The following ATP9B variants were observed in gnomAD, a reference collection of about 807,000 sequenced individuals.
The protein encoded by ATP9B is ATPase phospholipid transporting 9B, also known as probable phospholipid-transporting ATPase IIB.
Under a neutral mutation model 146.1 loss-of-function variants are expected in ATP9B, and 110 were observed. The observed-to-expected ratio is 0.75, with a 90% CI of 0.65 to 0.88. ATP9B has a LOEUF of 0.88. ATP9B is among the 40% of genes least tolerant of loss of function. ATP9B has a pLI of 0.00. For synonymous variants in ATP9B, 604 were observed against 569.7 expected (o/e 1.06, Z -0.86); for missense variants, 1,499 against 1,496.4 (o/e 1.00, Z -0.03).
chr18:79,083,360 G>A (rs113374503), intron 1 of ATP9B, among the ~76,000 whole-genome samples: 4 of 152,222 alleles, frequency 2.6e-5, no homozygotes, highest in South Asian at 2.1e-4. Flanking sequence ...GGTGGGATTC[G>A]CTGAGGTAGA....
intron 11 of ATP9B, among the ~76,000 whole-genome samples, chr18:79,244,146 C>T (rs2095916751): frequency 6.6e-6 from 1 of 151,994 alleles, no homozygotes; most frequent in African/African-American, 2.4e-5. Context: ...CCTCCGCCCC[C>T]TCTATTCTCC....
intron 12 of ATP9B, among the ~76,000 whole-genome samples, chr18:79,265,932 G>A (rs1015487719): frequency 2.0e-5 from 3 of 152,140 alleles, no homozygotes; most frequent in African/African-American, 7.2e-5. Context: ...TAAAGAAGGG[G>A]TCCGGTTTCT....
chr18:79,164,090 T>C (rs540286315), intron 7 of ATP9B, among the ~76,000 whole-genome samples: 2 of 152,218 alleles, frequency 1.3e-5, no homozygotes, highest in South Asian at 4.1e-4. Flanking sequence ...CACTAATTTT[T>C]TATTTTTTAG....
intron 7 of ATP9B, among the ~76,000 whole-genome samples, chr18:79,160,829 T>G (rs899948963): frequency 6.6e-6 from 1 of 152,204 alleles, no homozygotes. Flanking sequence ...TGGAGTGCAG[T>G]GGCGCGATCT....
Position 79,377,406 on chromosome 18 carries a change from C to T in ATP9B, c.*23C>T. ...TAAGGGGCTGTGCACCCCCAGCGGG[C>T]TGGCCCCAGCACCTTCTGCCCTTCC... is the stretch of plus-strand genomic sequence containing the variant. On this transcript the variant is annotated 3_prime_UTR_variant, in exon 30 of 30. Coordinates refer to ENST00000426216, the MANE Select transcript of ATP9B (RefSeq NM_198531.5). 2 of 1,602,724 alleles carry T rather than the reference C, an allele frequency of 1.2e-6. No individual in the cohort carries two copies. The highest frequency in any genetic ancestry group is 1.7e-6 in the Non-Finnish European group (2 of 1,179,566).
intron 15 of ATP9B, among the ~76,000 whole-genome samples, chr18:79,309,640 C>T (rs1276887723): frequency 1.4e-5 from 2 of 146,204 alleles, no homozygotes; most frequent in Admixed American, 1.4e-4. Flanking sequence ...GGTAGAAGGT[C>T]AGGGGCTGAG....
intron 2 of ATP9B, among the ~76,000 whole-genome samples, chr18:79,109,576 T>C (rs1174037668): frequency 6.6e-6 from 1 of 151,712 alleles, no homozygotes; most frequent in Non-Finnish European, 1.5e-5. Context: ...TTTTTTTTTT[T>C]TTTTTTTAAG....
At chr18:79,257,896 C>A (rs1170559099) in intron 12 of ATP9B, among the ~76,000 whole-genome samples, 1 of 152,192 alleles carries the variant, frequency 6.6e-6, no homozygotes, top group Non-Finnish European at 1.5e-5. Context: ...CTAATGAGAG[C>A]TTTGCTTCCT....
chr18:79,359,016 T>C (rs2096970960), intron 25 of ATP9B, among the ~76,000 whole-genome samples: 1 of 152,040 alleles, frequency 6.6e-6, no homozygotes, highest in Admixed American at 6.6e-5. Flanking sequence ...TTATCTAAGA[T>C]GTTACCATTG....
At chr18:79,163,760 T>C (rs1401294432) in intron 7 of ATP9B, among the ~76,000 whole-genome samples, 4 of 152,082 alleles carry the variant, frequency 2.6e-5, no homozygotes, top group Non-Finnish European at 5.9e-5. Context: ...GCGTGTATAA[T>C]ATAATATATG....
chr18:79,111,094 ATTAC>A (rs1273003874), intron 3 of ATP9B, among the ~76,000 whole-genome samples: 4 of 152,092 alleles, frequency 2.6e-5, no homozygotes, highest in African/African-American at 9.7e-5. Flanking sequence ...TAAATATTTT[ATTAC>A]TTTTGTTGCT....
At chr18:79,357,398 C>T (rs1480992142) in intron 25 of ATP9B, among the ~76,000 whole-genome samples, 1 of 31,072 alleles carries the variant, frequency 3.2e-5, no homozygotes. Context: ...TGAGGGGTGT[C>T]CTGGGTCTGG....
chr18:79,249,519 C>T (rs983878852), intron 11 of ATP9B, among the ~76,000 whole-genome samples: 2 of 152,112 alleles, frequency 1.3e-5, no homozygotes, highest in Non-Finnish European at 2.9e-5. Flanking sequence ...GTAATTACTT[C>T]AAGTGATTAA....
At chr18:79,096,687 A>G (rs1441938738) in intron 2 of ATP9B, 38 bp downstream of exon 2, 27 of 1,530,608 alleles carry the variant, frequency 1.8e-5, no homozygotes, top group Non-Finnish European at 2.4e-5. Context: ...CTTATATGCT[A>G]AGGTTACTTA....
At chr18:79,207,418 A>C (rs1271466717) in intron 10 of ATP9B, among the ~76,000 whole-genome samples, 1 of 152,224 alleles carries the variant, frequency 6.6e-6, no homozygotes, top group Non-Finnish European at 1.5e-5. Flanking sequence ...GGCTGAAGTG[A>C]CTGTGGAACG....
intron 25 of ATP9B, among the ~76,000 whole-genome samples, chr18:79,349,241 C>T (rs1304886954): frequency 6.6e-6 from 1 of 152,242 alleles, no homozygotes; most frequent in South Asian, 2.1e-4. Context: ...CTGACCTCTG[C>T]AAAGCTCATG....
intron 15 of ATP9B, among the ~76,000 whole-genome samples, chr18:79,323,462 T>C (rs2096727205): frequency 6.6e-6 from 1 of 152,210 alleles, no homozygotes; most frequent in Non-Finnish European, 1.5e-5. Context: ...ATGTCCCCGA[T>C]ATCCTTCCCG....
intron 11 of ATP9B, among the ~76,000 whole-genome samples, chr18:79,247,707 TGC>T (rs920688165): frequency 6.6e-6 from 1 of 152,242 alleles, no homozygotes; most frequent in African/African-American, 2.4e-5. Flanking sequence ...AACGTGGTTT[TGC>T]TTCCCTGTTT....
chr18:79,218,079 C>A (rs1054381804), intron 11 of ATP9B, among the ~76,000 whole-genome samples: 3 of 152,244 alleles, frequency 2.0e-5, no homozygotes, highest in Non-Finnish European at 4.4e-5. Flanking sequence ...TAAAGTGCCT[C>A]ATACTCCGCA....
Sources: gnomAD v4.1 joint callset for allele counts (sites outside exome capture counted in the v4.1 genomes callset) on GRCh38, gnomAD v4.1.1 for gene constraint, MANE v1.5 for transcripts, NCBI Gene and HGNC (gene_info 2026-07-23, HGNC 2026-07-21) for gene names.